CNKSR2: variants seen among roughly 807,000 people sequenced by gnomAD.
CNKSR2 encodes connector enhancer of kinase suppressor of Ras 2.
Under a neutral mutation model 84.4 loss-of-function variants are expected in CNKSR2, and 14 were observed. The observed-to-expected ratio is 0.17, with a 90% CI of 0.11 to 0.26. CNKSR2 has a LOEUF of 0.26. Ranked by LOEUF, CNKSR2 falls within the 10% of genes least tolerant of loss-of-function variation. CNKSR2 has a pLI of 1.00. For synonymous variants in CNKSR2, 275 were observed against 277.9 expected, an observed-to-expected ratio of 0.99 and a Z score of 0.10; for missense variants, 485 against 771.2, an observed-to-expected ratio of 0.63 and a Z score of 4.40.
chrX:21,603,365 A>G (rs1393445806), intron 18 of CNKSR2, among the ~76,000 whole-genome samples: 2 of 112,214 alleles, frequency 1.8e-5, no homozygotes, highest in African/African-American at 6.5e-5. Flanking sequence ...GCACATATCT[A>G]CTTCACCCTT....
chrX:21,588,797 A>C (rs931553986), intron 13 of CNKSR2, among the ~76,000 whole-genome samples: 1 of 111,836 alleles, frequency 8.9e-6, no homozygotes, highest in African/African-American at 3.2e-5. Context: ...TCTGTAATCT[A>C]TGTAGCTTTC....
Position 21,438,919 on chromosome X carries a change from A to G in CNKSR2, c.432-1775A>G, listed in dbSNP as rs189435773. On this transcript the variant is annotated intron_variant, in intron 3 of 21. Coordinates refer to ENST00000379510, the MANE Select transcript of CNKSR2 (RefSeq NM_014927.5). ...CAGAAATCACTGGTAAAATGTGTAT[A>G]TCAAACAACAGAGCTTTAAAGTGCA... Among the ~76,000 whole-genome samples the G allele has an allele frequency of 1.5e-3, 172 of 111,981 alleles. 1 individual carries two copies. Among genetic ancestry groups the G allele is most frequent in the African/African-American group, 4.7e-3 (146 of 30,878 alleles).
intron 16 of CNKSR2, 35 bp downstream of exon 16, chrX:21,595,082 G>GT (rs377308727): frequency 0.072 from 49,196 of 686,256 alleles, 2 homozygotes; most frequent in Non-Finnish European, 0.077. Context: ...GGGAACGATA[G>GT]TTTTTTTTTT....
At chrX:21,599,427 A>G (rs1254133321) in intron 17 of CNKSR2, among the ~76,000 whole-genome samples, 1 of 105,267 alleles carries the variant, frequency 9.5e-6, no homozygotes, top group Non-Finnish European at 1.9e-5. Flanking sequence ...GTGCAGTGGC[A>G]CGATGTCAGC....
chrX:21,386,485 T>G (rs1437214313), intron 1 of CNKSR2, among the ~76,000 whole-genome samples: 1 of 112,030 alleles, frequency 8.9e-6, no homozygotes, highest in Admixed American at 9.5e-5. Flanking sequence ...ATTTGACCAA[T>G]GGAGTGCTTG....
chrX:21,411,372 G>C (rs2147012249), intron 1 of CNKSR2, among the ~76,000 whole-genome samples: 1 of 111,792 alleles, frequency 8.9e-6, no homozygotes, highest in Non-Finnish European at 1.9e-5. Flanking sequence ...GTGTAGAAAA[G>C]CTTCAACTTG....
chrX:21,485,489 ATAG>A (rs1266000197), intron 5 of CNKSR2, among the ~76,000 whole-genome samples: 1 of 110,958 alleles, frequency 9.0e-6, no homozygotes, highest in Admixed American at 9.7e-5. Context: ...GTGCAGATAG[ATAG>A]TATAGAACAG....
In CNKSR2 at chrX:21,609,059, T is replaced by C; in HGVS notation, c.2146-12T>C. The C allele has an allele frequency of 8.4e-7, 1 of 1,186,633 alleles. No individual in the cohort carries two copies. Among genetic ancestry groups the C allele is most frequent in the Non-Finnish European group, 1.1e-6 (1 of 882,726 alleles). ...ATTTTGGCACAGACTAATCAGGGGC[T>C]CCTTTCTACAGATGAGTTGCGCCAG... On this transcript the variant is annotated splice_polypyrimidine_tract_variant and intron_variant, in intron 19 of 21. Coordinates refer to ENST00000379510, the MANE Select transcript of CNKSR2 (RefSeq NM_014927.5).
chrX:21,643,876 A>G (rs1347830319), intron 20 of CNKSR2: 1 of 111,511 alleles, frequency 9.0e-6, no homozygotes, highest in African/African-American at 3.3e-5. Context: ...ACATAAAAGC[A>G]TGAATTAAGA....
At chrX:21,557,742 G>A (rs962883363) in intron 11 of CNKSR2, among the ~76,000 whole-genome samples, 2 of 111,179 alleles carry the variant, frequency 1.8e-5, no homozygotes, top group African/African-American at 3.3e-5. Context: ...ATTCTTTGCT[G>A]TTATTATTCT....
At chrX:21,513,975 T>G (rs1338575081) in intron 8 of CNKSR2, among the ~76,000 whole-genome samples, 1 of 112,179 alleles carries the variant, frequency 8.9e-6, no homozygotes, top group Non-Finnish European at 1.9e-5. Flanking sequence ...GCCAAAAGTT[T>G]AGGAAATAAA....
At position 21,561,534 on chromosome X, in the gene CNKSR2, A is replaced by G. The variant is rs1178594008; in HGVS notation, c.1367A>G (p.Asn456Ser). 1.7e-6 allele frequency: 2 copies of G among 1,202,522 alleles called. No individual in the cohort carries two copies. The highest frequency in any genetic ancestry group is 2.2e-6 in the Non-Finnish European group (2 of 889,072). Reference sequence around the variant, plus strand: ...TGGGTGGGGGACTATGAAGATCCAAATAAGATGAAGAGAGATAGTAGAAGA... The same window carrying G: ...TGGGTGGGGGACTATGAAGATCCAAGTAAGATGAAGAGAGATAGTAGAAGA... Reference protein sequence around the residue: ...YNWVGDYEDPNKMKRDSRREN... With the variant: ...YNWVGDYEDPSKMKRDSRREN... The change falls in exon 12 of 22, where the codon AAT (asparagine) becomes AGT (serine). Residue 456 changes from asparagine to serine, a missense_variant. Around this residue, in one of 5 missense-constraint regions of CNKSR2, gnomAD observed 132 missense variants for 166.7 expected, o/e 0.79. Coordinates refer to ENST00000379510, the MANE Select transcript of CNKSR2 (RefSeq NM_014927.5).
chrX:21,425,489 T>C (rs994666592), intron 1 of CNKSR2: 2 of 111,567 alleles, frequency 1.8e-5, no homozygotes, highest in Non-Finnish European at 1.9e-5. Context: ...AATCTCTCTG[T>C]TTGGAAACTT....
At chrX:21,525,845 A>T (rs2091830105) in intron 9 of CNKSR2, among the ~76,000 whole-genome samples, 1 of 111,333 alleles carries the variant, frequency 9.0e-6, no homozygotes, top group African/African-American at 3.2e-5. Flanking sequence ...TCATGTGAAG[A>T]TACAGTTCAT....
intron 1 of CNKSR2, among the ~76,000 whole-genome samples, chrX:21,415,906 T>C (rs2090416082): frequency 9.3e-6 from 1 of 107,882 alleles, no homozygotes; most frequent in South Asian, 4.2e-4. Context: ...ATTTGACTTC[T>C]TCCTTTCCAA....
intron 20 of CNKSR2, among the ~76,000 whole-genome samples, chrX:21,635,875 G>A (rs1303458549): frequency 9.0e-6 from 1 of 110,770 alleles, no homozygotes; most frequent in Middle Eastern, 4.3e-3. Context: ...GAAAATTCAA[G>A]TCGAGTGTGA....
intron 4 of CNKSR2, among the ~76,000 whole-genome samples, chrX:21,469,175 T>C (rs1174447686): frequency 8.9e-6 from 1 of 111,853 alleles, no homozygotes; most frequent in Admixed American, 9.5e-5. Context: ...AGTCATACCC[T>C]CTGATTCTGG....
At chrX:21,552,586 C>T (rs777369208) in intron 11 of CNKSR2, among the ~76,000 whole-genome samples, 23 of 112,037 alleles carry the variant, frequency 2.1e-4, no homozygotes, top group Non-Finnish European at 4.3e-4. Context: ...TATAGAACAA[C>T]CTCTGTTCTC....
chrX:21,559,112 G>T, intron 11 of CNKSR2, among the ~76,000 whole-genome samples: 1 of 111,012 alleles, frequency 9.0e-6, no homozygotes, highest in Admixed American at 9.6e-5. Context: ...CCCTACTTTC[G>T]ATGGGCAGAA....
Sources: allele counts gnomAD v4.1 joint callset (sites outside exome capture counted in the v4.1 genomes callset), GRCh38; gene constraint gnomAD v4.1.1; regional missense constraint gnomAD v4.1.1; transcripts MANE v1.5; gene names NCBI Gene and HGNC (gene_info 2026-07-23, HGNC 2026-07-21).